GRM1: variants seen among roughly 807,000 people sequenced by gnomAD.
GRM1 encodes metabotropic glutamate receptor 1.
Under a neutral mutation model 90.9 loss-of-function variants are expected in GRM1, and 33 were observed. The observed-to-expected ratio is 0.36, with a 90% CI of 0.28 to 0.49. GRM1 has a LOEUF of 0.49. Among genes scored for constraint, GRM1 ranks in the 20% least tolerant of loss-of-function variants. GRM1 has a pLI of 0.99. For synonymous variants in GRM1, 700 were observed against 613.2 expected (o/e 1.14, Z -2.09); for missense variants, 1,190 against 1,534.3 (o/e 0.78, Z 3.75).
intron 5 of GRM1, among the ~76,000 whole-genome samples, chr6:146,373,902 G>T (rs1775996266): frequency 6.6e-6 from 1 of 152,054 alleles, no homozygotes; most frequent in African/African-American, 2.4e-5. Context: ...GTACTATGTT[G>T]AAAAGCAGTG....
At chr6:146,115,852 A>C (rs969432918) in intron 1 of GRM1, among the ~76,000 whole-genome samples, 30 of 152,204 alleles carry the variant, frequency 2.0e-4, no homozygotes, top group African/African-American at 7.0e-4. Flanking sequence ...TAGACAAACA[A>C]GTGGTCTGCA....
intron 1 of GRM1, among the ~76,000 whole-genome samples, chr6:146,048,041 G>A (rs1791397214): frequency 6.6e-6 from 1 of 151,954 alleles, no homozygotes; most frequent in Non-Finnish European, 1.5e-5. Flanking sequence ...TTAGAACCAT[G>A]CCTCATCAAC....
intron 2 of GRM1, among the ~76,000 whole-genome samples, chr6:146,236,933 T>A (rs1430491583): frequency 6.6e-6 from 1 of 152,042 alleles, no homozygotes; most frequent in Non-Finnish European, 1.5e-5. Context: ...ACTCCCCAAG[T>A]GTTTTTGGTT....
In GRM1 at chr6:146,150,043, A is replaced by T. The variant is rs555907809; in HGVS notation, c.701-9305A>T. On this transcript the variant is annotated intron_variant, in intron 1 of 7. Coordinates refer to ENST00000282753, the MANE Select transcript of GRM1 (RefSeq NM_001278064.2). ...GAGGACTCAGCAGATGTTTGGATGG[A>T]GGCAGGAAACCCATAACATTTTCTA... Among the ~76,000 whole-genome samples, 35 of 152,238 alleles carry T rather than the reference A, an allele frequency of 2.3e-4. 1 individual carries two copies. The South Asian group carries it at 6.8e-3, about 30-fold the overall frequency.
chr6:146,329,155 T>C (rs1784502588), intron 3 of GRM1, among the ~76,000 whole-genome samples: 2 of 152,134 alleles, frequency 1.3e-5, no homozygotes, highest in Non-Finnish European at 1.5e-5. Flanking sequence ...ATTGTGAATG[T>C]AGGATACATT....
chr6:146,169,165 T>C (rs1778013442), intron 2 of GRM1, among the ~76,000 whole-genome samples: 1 of 152,168 alleles, frequency 6.6e-6, no homozygotes. Context: ...TTGCTATAAC[T>C]TTGAGTACAC....
intron 1 of GRM1, among the ~76,000 whole-genome samples, chr6:146,070,088 C>G (rs1472558777): frequency 6.6e-6 from 1 of 152,090 alleles, no homozygotes; most frequent in Non-Finnish European, 1.5e-5. Flanking sequence ...TAAATAGAAC[C>G]TGGTTGCTGC....
At chr6:146,413,855 A>G (rs1777661391) in intron 7 of GRM1, among the ~76,000 whole-genome samples, 1 of 152,196 alleles carries the variant, frequency 6.6e-6, no homozygotes, top group Non-Finnish European at 1.5e-5. Flanking sequence ...CTTTCACACA[A>G]CATGAGATTC....
intron 2 of GRM1, among the ~76,000 whole-genome samples, chr6:146,200,854 A>G (rs1227339022): frequency 2.6e-5 from 4 of 152,236 alleles, no homozygotes; most frequent in Non-Finnish European, 4.4e-5. Flanking sequence ...CGCAGTTCAA[A>G]TAAAGTTTTG....
In GRM1 at chr6:146,267,660, GGGCTGGGCTGGGCTGGGCTGGGCTC is replaced by G. The variant is rs1292422530; in HGVS notation, c.951-36946_951-36922del. ...GGGCTGCGCTGGGCTGGGCTGGGCT[GGGCTGGGCTGGGCTGGGCTGGGCTC>G]GGCTCGGCTCGGCTCGGCTCGTCTC... is the stretch of plus-strand genomic sequence containing the variant. On this transcript the variant is annotated intron_variant, in intron 2 of 7. Coordinates refer to ENST00000282753, the MANE Select transcript of GRM1 (RefSeq NM_001278064.2). 7.5e-3 allele frequency among the ~76,000 whole-genome samples: 882 copies of G among 118,252 alleles called. 22 individuals are homozygous for G. Among genetic ancestry groups the G allele is most frequent in the African/African-American group, 0.038 (813 of 21,646 alleles). 77.6% of individuals were successfully genotyped at this position (118,252 alleles called of 152,430 possible). A position where few individuals can be genotyped will look rare whatever the true frequency, so the allele number is the denominator to read the frequency against.
chr6:146,074,501 G>A (rs1447841882), intron 1 of GRM1, among the ~76,000 whole-genome samples: 2 of 152,088 alleles, frequency 1.3e-5, no homozygotes, highest in African/African-American at 2.4e-5. Context: ...CAGAGACCTG[G>A]AAGTCTTTTC....
intron 6 of GRM1, among the ~76,000 whole-genome samples, chr6:146,391,641 T>A (rs1181094028): frequency 1.3e-5 from 2 of 151,770 alleles, no homozygotes; most frequent in Non-Finnish European, 2.9e-5. Flanking sequence ...TACAGCTAAT[T>A]CCCTCAAGAT....
At chr6:146,383,693 C>A (rs533520189) in intron 5 of GRM1, among the ~76,000 whole-genome samples, 2 of 152,094 alleles carry the variant, frequency 1.3e-5, no homozygotes, top group African/African-American at 4.8e-5. Context: ...TAAATGTCAA[C>A]CTGATGTGCA....
At chr6:146,251,100 G>A (rs1781251882) in intron 2 of GRM1, among the ~76,000 whole-genome samples, 1 of 152,122 alleles carries the variant, frequency 6.6e-6, no homozygotes, top group Non-Finnish European at 1.5e-5. Context: ...TATACAATAA[G>A]CCTAAGTGAA....
At chr6:146,228,274 G>A (rs568686410) in intron 2 of GRM1, among the ~76,000 whole-genome samples, 2 of 152,138 alleles carry the variant, frequency 1.3e-5, no homozygotes, top group African/African-American at 2.4e-5. Flanking sequence ...AGTTCTGGAG[G>A]ACAGAATGTC....
At chr6:146,152,618 G>T (rs1256518449) in intron 1 of GRM1, among the ~76,000 whole-genome samples, 1 of 151,996 alleles carries the variant, frequency 6.6e-6, no homozygotes, top group East Asian at 1.9e-4. Context: ...TAAAAGAGGG[G>T]TTATAACTTC....
At chr6:146,402,370 CTG>C (rs553895655) in intron 7 of GRM1, among the ~76,000 whole-genome samples, 17 of 152,154 alleles carry the variant, frequency 1.1e-4, no homozygotes, top group Admixed American at 1.0e-3. Context: ...CTATGTGAGA[CTG>C]TAATTTTAGT....
intron 2 of GRM1, among the ~76,000 whole-genome samples, chr6:146,269,814 C>T (rs1562570163): frequency 7.3e-6 from 1 of 136,814 alleles, no homozygotes; most frequent in Non-Finnish European, 1.5e-5. Context: ...AAACTGGTCC[C>T]TGGTGCCAAA....
intron 7 of GRM1, among the ~76,000 whole-genome samples, chr6:146,423,049 G>T (rs1002527701): frequency 6.6e-6 from 1 of 151,972 alleles, no homozygotes; most frequent in Non-Finnish European, 1.5e-5. Flanking sequence ...AGAGACCTTT[G>T]CACTTTAAGA....
Sources: allele counts gnomAD v4.1 joint callset (sites outside exome capture counted in the v4.1 genomes callset), GRCh38; gene constraint gnomAD v4.1.1; transcripts MANE v1.5; gene names NCBI Gene and HGNC (gene_info 2026-07-23, HGNC 2026-07-21).